MLXIPL: variants seen among roughly 807,000 people sequenced by gnomAD.
MLXIPL encodes carbohydrate-responsive element-binding protein.
A neutral mutation model predicts 81.5 loss-of-function variants in MLXIPL; 49 were observed. That is an observed-to-expected ratio of 0.60 (90% CI 0.48 to 0.76). MLXIPL has a LOEUF of 0.76. MLXIPL is among the 30% of genes least tolerant of loss of function. The probability of loss-of-function intolerance (pLI) is 0.00; values close to 1 mark genes in which losing one functional copy is unlikely to be tolerated. For missense variants in MLXIPL, 1,053 were observed against 1,167.0 expected, an observed-to-expected ratio of 0.90 and a Z score of 1.42; for synonymous variants, 466 against 485.5, an observed-to-expected ratio of 0.96 and a Z score of 0.53.
Position 73,624,440 on chromosome 7 carries a change from G to T in MLXIPL, c.53C>A (p.Ala18Glu). ...GTCCGAGTCCGAGTCTGGGCTGGGC[G>T]CGACCCGCGGGACCTGCAAGCCCGC... ...LAAGLQVPRVAPSPDSDSDTD... is the reference protein window; with the variant it reads ...LAAGLQVPRVEPSPDSDSDTD... Residue 18 changes from alanine (A) to glutamate (E), a missense_variant, in exon 1 of 17, where the codon GCG becomes GAG. Ala to Glu is a moderately radical substitution (Grantham distance 107, BLOSUM62 -1). This residue lies in a region of MLXIPL where 226 missense variants were observed against 216.2 expected (regional missense o/e 1.05). Transcript: ENST00000313375. The T allele has an allele frequency of 6.4e-7, 1 of 1,555,584 alleles. No individual in the cohort carries two copies. Among genetic ancestry groups the T allele is most frequent in the Non-Finnish European group, 8.6e-7 (1 of 1,158,466 alleles).
At chr7:73,640,502 C>T in the MLXIPL span, among the ~76,000 whole-genome samples, 2 of 151,534 alleles carry the variant, frequency 1.3e-5, no homozygotes, top group Non-Finnish European at 2.9e-5. Flanking sequence ...GGCGGCCGGG[C>T]GTGGTGGCTC....
intron 1 of MLXIPL, among the ~76,000 whole-genome samples, chr7:73,622,264 G>A (rs1187052355): frequency 6.6e-6 from 1 of 152,018 alleles, no homozygotes. Flanking sequence ...GCCAAGGCAG[G>A]TGGATCACCT....
intron 8 of MLXIPL, among the ~76,000 whole-genome samples, 186 bp from the exon 9 acceptor site, chr7:73,597,899 A>G (rs1794482404): frequency 6.6e-6 from 1 of 152,146 alleles, no homozygotes; most frequent in South Asian, 2.1e-4. Flanking sequence ...GCAGCAGGGA[A>G]ATTACAATGA....
At position 73,623,917 on chromosome 7, in the gene MLXIPL, G is replaced by A. The variant is rs1344127629; in HGVS notation, c.293+283C>T. 6.6e-6 allele frequency among the ~76,000 whole-genome samples: 1 copy of A among 152,122 alleles called. No individual in the cohort carries two copies. The highest frequency in any genetic ancestry group is 1.5e-5 in the Non-Finnish European group (1 of 68,014). On this transcript the variant is annotated intron_variant, in intron 1 of 16. Coordinates refer to ENST00000313375, the MANE Select transcript of MLXIPL (RefSeq NM_032951.3). The surrounding 1 kb of genome is among the most constrained non-coding windows in gnomAD (Gnocchi z 5.7). Reference sequence around the variant, plus strand: ...CCAGAGAGAGGGGACCAGAGGTCCAGGTAGAGGTGGGGCGCAGGCGGTCTG... The same window carrying A: ...CCAGAGAGAGGGGACCAGAGGTCCAAGTAGAGGTGGGGCGCAGGCGGTCTG...
At chr7:73,605,213 C>T (rs1386093433) in intron 7 of MLXIPL, among the ~76,000 whole-genome samples, 1 of 152,156 alleles carries the variant, frequency 6.6e-6, no homozygotes, top group Non-Finnish European at 1.5e-5. Flanking sequence ...GCCCTGCCCC[C>T]ATTGGAGGCC....
the MLXIPL span, among the ~76,000 whole-genome samples, chr7:73,638,523 C>T: frequency 1.3e-5 from 2 of 152,178 alleles, no homozygotes; most frequent in Non-Finnish European, 2.9e-5. Flanking sequence ...CTCAGGTGAT[C>T]TGCCCACCTT....
At chr7:73,602,583 G>T (rs1175597348) in intron 7 of MLXIPL, among the ~76,000 whole-genome samples, 1 of 152,052 alleles carries the variant, frequency 6.6e-6, no homozygotes, top group Non-Finnish European at 1.5e-5. Flanking sequence ...TGGAGGCTGA[G>T]ACAGGAGAAT....
intron 16 of MLXIPL, 141 bp downstream of exon 16, chr7:73,594,133 A>C: frequency 3.5e-6 from 5 of 1,449,250 alleles, no homozygotes; most frequent in Middle Eastern, 1.8e-4. Flanking sequence ...TGGTGGCCAG[A>C]GGACCATCTG....
Position 73,596,382 on chromosome 7 carries a change from GC to G in MLXIPL, c.1919del (p.Gly640AlafsTer37). 1 of 1,612,786 alleles carries G rather than the reference GC, an allele frequency of 6.2e-7. No homozygotes were observed. Among genetic ancestry groups the G allele is most frequent in the Non-Finnish European group, 8.5e-7 (1 of 1,179,872 alleles). On this transcript the variant is annotated frameshift_variant, in exon 12 of 17. Transcript: ENST00000313375. LOFTEE classifies it high-confidence loss of function. This position sits in a 1 kb window ranked among gnomAD's most constrained non-coding sequence, Gnocchi z 4.7. ...VSPPQPILSR[G>X]RPDSNKTENR... is the part of the protein sequence containing the mutation. ...TGCCCACCTTGTTGCTGTCTGGACG[GC>G]CCCGGCTGAGGATGGGTTGCGGGGG...
intron 1 of MLXIPL, among the ~76,000 whole-genome samples, chr7:73,620,758 A>G (rs1268211120): frequency 6.7e-6 from 1 of 149,358 alleles, no homozygotes; most frequent in Non-Finnish European, 1.5e-5. Flanking sequence ...AAAAAAGAAA[A>G]GAAAGAAAAA....
In MLXIPL at chr7:73,596,412, G is replaced by T; in HGVS notation, c.1890C>A (p.Val630=). The change falls in exon 12 of 17, where the codon GTC becomes GTA. Residue 630 remains valine, a synonymous_variant. Coordinates refer to ENST00000313375, the MANE Select transcript of MLXIPL (RefSeq NM_032951.3). The surrounding 1 kb of genome is among the most constrained non-coding windows in gnomAD (Gnocchi z 4.7). ...MPGPGTLSVR[V]SPPQPILSRG... ...GGCTGAGGATGGGTTGCGGGGGAGA[G>T]ACACGGACGCTCAGAGTCCCAGGGC... 1 of 1,612,932 alleles carries T rather than the reference G, an allele frequency of 6.2e-7. No homozygotes were observed. The highest frequency in any genetic ancestry group is 8.5e-7 in the Non-Finnish European group (1 of 1,179,956).
At chr7:73,604,570 C>A (rs782677214) in intron 7 of MLXIPL, among the ~76,000 whole-genome samples, 11 of 151,840 alleles carry the variant, frequency 7.2e-5, no homozygotes, top group Non-Finnish European at 1.6e-4. Flanking sequence ...GAGACCCTGT[C>A]TCAAAAATAA....
chr7:73,641,692 A>T, the MLXIPL span, among the ~76,000 whole-genome samples: 21 of 151,984 alleles, frequency 1.4e-4, 1 homozygote, highest in South Asian at 4.2e-3. Context: ...GCAGTGGCGC[A>T]ATCTCAGCTC....
In MLXIPL at chr7:73,597,195, C is replaced by T. The variant is rs781980316; in HGVS notation, c.1590G>A (p.Gln530=). The T allele has an allele frequency of 6.2e-7, 1 of 1,604,726 alleles. No homozygotes were observed. The highest frequency in any genetic ancestry group is 8.5e-7 in the Non-Finnish European group (1 of 1,178,016). Residue 530 remains glutamine, a synonymous_variant, in exon 9 of 17, where the codon CAG becomes CAA. Transcript: ENST00000313375. ...TAGSNNPCLT[Q]LLTAAKPEQA... The stretch of plus-strand genomic sequence containing the variant: ...GCTGGCCCTCACCTGCTGTGAGCAG[C>T]TGTGTGAGGCAGGGGTTGTTGCTCC...
intron 7 of MLXIPL, among the ~76,000 whole-genome samples, chr7:73,603,402 C>T (rs1332243812): frequency 4.6e-5 from 7 of 152,172 alleles, no homozygotes; most frequent in Admixed American, 3.3e-4. Flanking sequence ...TACCTGTGGC[C>T]GGGCGCTGTG....
chr7:73,626,767 G>A (rs549219689), upstream of MLXIPL, among the ~76,000 whole-genome samples: 1 of 152,320 alleles, frequency 6.6e-6, no homozygotes, highest in African/African-American at 2.4e-5. Flanking sequence ...AGTGGGTGGG[G>A]ACAGGAAAGA....
rs781945971 is a variant in MLXIPL, at chr7:73,597,205, CA to C, written c.1579del (p.Cys527AlafsTer100). 1.2e-6 allele frequency: 2 copies of C among 1,605,368 alleles called. No individual in the cohort carries two copies. The highest frequency in any genetic ancestry group is 1.7e-6 in the Non-Finnish European group (2 of 1,178,264). On this transcript the variant is annotated frameshift_variant, in exon 9 of 17. Transcript: ENST00000313375. LOFTEE classifies it high-confidence loss of function. ...PPTTAGSNNP[C>X]LTQLLTAAKP... The stretch of plus-strand genomic sequence containing the variant: ...ACCTGCTGTGAGCAGCTGTGTGAGG[CA>C]GGGGTTGTTGCTCCCCGCAGTGGTG...
the MLXIPL span, among the ~76,000 whole-genome samples, chr7:73,631,801 C>T: frequency 6.7e-6 from 1 of 148,426 alleles, no homozygotes; most frequent in African/African-American, 2.5e-5. Context: ...CCCTCCCCTC[C>T]ACTCCCTTCT....
intron 7 of MLXIPL, among the ~76,000 whole-genome samples, chr7:73,605,409 A>C (rs1346503594): frequency 1.3e-5 from 2 of 152,106 alleles, no homozygotes; most frequent in African/African-American, 4.8e-5. Flanking sequence ...AATACAAAAA[A>C]AATTAGCCGG....
Sources: gnomAD v4.1 joint callset for allele counts (sites outside exome capture counted in the v4.1 genomes callset) on GRCh38, gnomAD v4.1.1 for gene constraint, gnomAD v4.1.1 regional missense constraint, Gnocchi (gnomAD v3.1) non-coding constraint, MANE v1.5 for transcripts, NCBI Gene and HGNC (gene_info 2026-07-23, HGNC 2026-07-21) for gene names.